Variants in STS observed in about 807,000 individuals in gnomAD.
The protein encoded by STS is steryl-sulfatase.
Under a neutral mutation model 26.8 loss-of-function variants are expected in STS, and 7 were observed. The ratio of observed to expected loss-of-function variants is 0.26; its 90% CI spans 0.15 to 0.49. The LOEUF is 0.49. Ranked by LOEUF, STS falls within the 20% of genes least tolerant of loss-of-function variation. STS has a pLI of 0.98. For synonymous variants in STS, 199 were observed against 189.4 expected (o/e 1.05, Z -0.42); for missense variants, 434 against 465.6 (o/e 0.93, Z 0.63).
intron 2 of STS, among the ~76,000 whole-genome samples, chrX:7,245,536 ATTAT>A (rs1922825993): frequency 8.9e-6 from 1 of 112,295 alleles, no homozygotes; most frequent in South Asian, 3.7e-4. Context: ...CTTCTCTGTC[ATTAT>A]TTATTCATTT....
chrX:7,202,589 G>C (rs926151208), intron 2 of STS, among the ~76,000 whole-genome samples: 7 of 111,707 alleles, frequency 6.3e-5, no homozygotes, highest in Non-Finnish European at 1.1e-4. Flanking sequence ...TAGAAATTAA[G>C]TATGGTTTAA....
chrX:7,184,634 C>T (rs1196497882), intron 1 of STS, among the ~76,000 whole-genome samples: 1 of 111,672 alleles, frequency 9.0e-6, no homozygotes, highest in African/African-American at 3.3e-5. Flanking sequence ...TCATCTGAAG[C>T]CCTGAGAGCC....
intron 7 of STS, among the ~76,000 whole-genome samples, chrX:7,278,143 T>A (rs1212704009): frequency 8.9e-6 from 1 of 112,440 alleles, no homozygotes; most frequent in African/African-American, 3.2e-5. Context: ...TTTGTGTTGT[T>A]TTTTTGTTTT....
At chrX:7,281,953 G>A (rs1270124707) in intron 7 of STS, among the ~76,000 whole-genome samples, 2 of 112,098 alleles carry the variant, frequency 1.8e-5, no homozygotes, top group African/African-American at 3.2e-5. Context: ...ATCTGTAGGG[G>A]CCATGGGGAA....
intron 2 of STS, among the ~76,000 whole-genome samples, chrX:7,234,121 G>T (rs1053502042): frequency 3.6e-5 from 4 of 111,679 alleles, no homozygotes; most frequent in Non-Finnish European, 7.5e-5. Flanking sequence ...ATAACCCCTG[G>T]TTACCAAATG....
At chrX:7,333,929 G>T in intron 9 of STS, 57 bp from the exon 10 acceptor site, 1 of 1,207,020 alleles carries the variant, frequency 8.3e-7, no homozygotes, top group South Asian at 1.8e-5. Context: ...GGTTCAGAAG[G>T]ACATTTGAGA....
At chrX:7,194,443 A>C (rs1437057813) in intron 2 of STS, among the ~76,000 whole-genome samples, 1 of 111,915 alleles carries the variant, frequency 8.9e-6, no homozygotes, top group South Asian at 3.7e-4. Context: ...TAAGCAGGTT[A>C]CGAAGCAATG....
intron 10 of STS, among the ~76,000 whole-genome samples, chrX:7,337,748 T>C (rs1928102019): frequency 8.9e-6 from 1 of 112,203 alleles, no homozygotes; most frequent in Non-Finnish European, 1.9e-5. Context: ...ACCACGGCAA[T>C]TGGCAAACAC....
intron 1 of STS, among the ~76,000 whole-genome samples, chrX:7,159,172 G>A (rs1207446478): frequency 9.2e-6 from 1 of 108,887 alleles, no homozygotes; most frequent in Non-Finnish European, 1.9e-5. Context: ...CAAACAACAC[G>A]AGGAAACTAA....
chrX:7,212,953 A>T (rs979650513), intron 2 of STS, among the ~76,000 whole-genome samples: 2 of 111,608 alleles, frequency 1.8e-5, no homozygotes, highest in Non-Finnish European at 3.8e-5. Context: ...TCCCTCATAG[A>T]TTCTTAGTTG....
chrX:7,203,650 A>G (rs1357154282), intron 2 of STS, among the ~76,000 whole-genome samples: 1 of 112,119 alleles, frequency 8.9e-6, no homozygotes, highest in Non-Finnish European at 1.9e-5. Flanking sequence ...AAAGAATCAT[A>G]TAAAACCACT....
At chrX:7,252,243 ATTTG>A in intron 2 of STS, 1 of 744,534 alleles carries the variant, frequency 1.3e-6, no homozygotes, top group South Asian at 6.8e-5. Flanking sequence ...TTCTGGAAGT[ATTTG>A]AGAGTAAGAA....
At chrX:7,340,569 G>C (rs1256745509) in intron 10 of STS, among the ~76,000 whole-genome samples, 1 of 112,073 alleles carries the variant, frequency 8.9e-6, no homozygotes, top group Non-Finnish European at 1.9e-5. Context: ...CATATTTACT[G>C]TCTGCCCGAC....
intron 10 of STS, among the ~76,000 whole-genome samples, chrX:7,335,113 G>T (rs1212278795): frequency 8.9e-6 from 1 of 112,300 alleles, no homozygotes; most frequent in East Asian, 2.8e-4. Flanking sequence ...ATTCCTTTGG[G>T]TATATACCCA....
intron 8 of STS, among the ~76,000 whole-genome samples, chrX:7,306,986 G>A (rs867749315): frequency 3.6e-5 from 4 of 111,465 alleles, no homozygotes; most frequent in East Asian, 2.9e-4. Flanking sequence ...TTCTAGTTAC[G>A]TCTCTGTGTG....
intron 2 of STS, among the ~76,000 whole-genome samples, chrX:7,204,083 G>A (rs1250654484): frequency 2.7e-5 from 3 of 112,095 alleles, no homozygotes; most frequent in Non-Finnish European, 5.6e-5. Flanking sequence ...ACTGCACCTG[G>A]ACAGATTGTT....
intron 2 of STS, among the ~76,000 whole-genome samples, chrX:7,217,412 G>A (rs1921352796): frequency 8.9e-6 from 1 of 111,968 alleles, no homozygotes; most frequent in African/African-American, 3.2e-5. Context: ...ACATTTTCTA[G>A]GCACTAAAGA....
chrX:7,248,608 C>T (rs1396773592), intron 2 of STS, among the ~76,000 whole-genome samples: 3 of 111,620 alleles, frequency 2.7e-5, no homozygotes, highest in Non-Finnish European at 5.6e-5. Flanking sequence ...GAAAGGATTG[C>T]GTTATTTTAA....
intron 2 of STS, among the ~76,000 whole-genome samples, chrX:7,205,878 C>G (rs1190119651): frequency 3.7e-5 from 4 of 109,083 alleles, no homozygotes; most frequent in African/African-American, 1.0e-4. Flanking sequence ...AGCCTCACAA[C>G]ATGCTGGGAT....
Sources: allele counts gnomAD v4.1 joint callset (sites outside exome capture counted in the v4.1 genomes callset), GRCh38; gene constraint gnomAD v4.1.1; transcripts MANE v1.5; gene names NCBI Gene and HGNC (gene_info 2026-07-23, HGNC 2026-07-21).